Variants in SLC2A14 observed in about 807,000 individuals in gnomAD.
SLC2A14 encodes the protein solute carrier family 2, facilitated glucose transporter member 14.
A neutral mutation model predicts 43.0 loss-of-function variants in SLC2A14; 13 were observed. The observed-to-expected ratio is 0.30, with a 90% CI of 0.20 to 0.48. The LOEUF is 0.48. SLC2A14 is among the 20% of genes least tolerant of loss of function. SLC2A14 has a pLI of 0.99. For missense variants in SLC2A14, 428 were observed against 620.4 expected, an observed-to-expected ratio of 0.69 and a Z score of 3.29; for synonymous variants, 190 against 233.8, an observed-to-expected ratio of 0.81 and a Z score of 1.71.
intron 2 of SLC2A14, among the ~76,000 whole-genome samples, chr12:7,847,080 C>T (rs1592238597): frequency 6.6e-6 from 1 of 151,734 alleles, no homozygotes; most frequent in East Asian, 2.0e-4. Flanking sequence ...TAGAGAAACC[C>T]TGTCTCTACT....
intron 1 of SLC2A14, among the ~76,000 whole-genome samples, chr12:7,889,668 T>C (rs1945744113): frequency 1.3e-5 from 2 of 149,892 alleles, no homozygotes; most frequent in South Asian, 4.2e-4. Flanking sequence ...CCCAAGTAGG[T>C]GGGATTACAG....
intron 1 of SLC2A14, among the ~76,000 whole-genome samples, chr12:7,880,264 C>A (rs1945541870): frequency 6.6e-6 from 1 of 151,954 alleles, no homozygotes; most frequent in African/African-American, 2.4e-5. Flanking sequence ...CGCGCCATTG[C>A]ACCCTAGCCT....
chr12:7,851,703 A>G (rs1465796077), intron 2 of SLC2A14, among the ~76,000 whole-genome samples: 1 of 152,176 alleles, frequency 6.6e-6, no homozygotes, highest in East Asian at 1.9e-4. Flanking sequence ...ACAGTGACTT[A>G]GTTGTATCTG....
At chr12:7,888,320 T>G (rs939659370) in intron 1 of SLC2A14, among the ~76,000 whole-genome samples, 1 of 152,046 alleles carries the variant, frequency 6.6e-6, no homozygotes. Flanking sequence ...AATAAAGAAA[T>G]GCACGTTTTT....
chr12:7,863,941 G>A (rs867428601), intron 2 of SLC2A14, among the ~76,000 whole-genome samples: 2 of 151,534 alleles, frequency 1.3e-5, no homozygotes, highest in South Asian at 2.1e-4. Flanking sequence ...TCAGCCTCCC[G>A]AGTAGCTGGC....
chr12:7,883,407 C>T (rs774860659), intron 1 of SLC2A14, among the ~76,000 whole-genome samples: 1 of 150,484 alleles, frequency 6.6e-6, no homozygotes, highest in East Asian at 2.0e-4. Context: ...GCTGGGATTA[C>T]AGGCGCCCGC....
upstream of SLC2A14, among the ~76,000 whole-genome samples, chr12:7,875,307 A>G (rs1945444709): frequency 6.8e-6 from 1 of 147,390 alleles, no homozygotes; most frequent in African/African-American, 2.5e-5. Context: ...TAGGAGTTCA[A>G]GGCCAGCCTG....
At chr12:7,866,172 C>G (rs1397124340) in intron 2 of SLC2A14, among the ~76,000 whole-genome samples, 1 of 143,962 alleles carries the variant, frequency 6.9e-6, no homozygotes, top group African/African-American at 2.6e-5. Flanking sequence ...CTGCAGTGAG[C>G]TGAGATTGCA....
At chr12:7,863,135 C>A (rs1485438667) in intron 2 of SLC2A14, among the ~76,000 whole-genome samples, 1 of 152,146 alleles carries the variant, frequency 6.6e-6, no homozygotes, top group Non-Finnish European at 1.5e-5. Flanking sequence ...GTAACTCTCA[C>A]CGCAAAGGTC....
upstream of SLC2A14, chr12:7,891,194 T>C: frequency 2.8e-6 from 4 of 1,419,678 alleles, no homozygotes; most frequent in Non-Finnish European, 3.7e-6. Context: ...AGGAGCAGAG[T>C]GCAGAGGAGA....
chr12:7,873,264 C>A, upstream of SLC2A14: 15 of 985,678 alleles, frequency 1.5e-5, no homozygotes, highest in African/African-American at 1.7e-5. Flanking sequence ...GAGCCCCTCA[C>A]CGCCTGCAGC....
intron 1 of SLC2A14, among the ~76,000 whole-genome samples, chr12:7,888,617 G>A (rs1945724046): frequency 2.0e-5 from 3 of 151,978 alleles, no homozygotes; most frequent in Admixed American, 2.0e-4. Flanking sequence ...GGCCAACATG[G>A]TGAAACCCCG....
At chr12:7,882,767 G>A (rs372271434) in intron 1 of SLC2A14, among the ~76,000 whole-genome samples, 1 of 151,770 alleles carries the variant, frequency 6.6e-6, no homozygotes, top group Admixed American at 6.6e-5. Flanking sequence ...AACCCAGGAG[G>A]CAGAGGCTGC....
intron 2 of SLC2A14, among the ~76,000 whole-genome samples, chr12:7,865,983 G>A (rs1444931701): frequency 6.6e-6 from 1 of 152,048 alleles, no homozygotes; most frequent in African/African-American, 2.4e-5. Context: ...TTGGGAGGCC[G>A]AGGCGGGTGG....
At chr12:7,864,466 C>A (rs766616658) in intron 2 of SLC2A14, among the ~76,000 whole-genome samples, 1 of 152,108 alleles carries the variant, frequency 6.6e-6, no homozygotes, top group East Asian at 1.9e-4. Context: ...AGCCTTCCAA[C>A]TAGCTGGGAC....
chr12:7,825,261 GACC>G (rs879522490), intron 7 of SLC2A14, among the ~76,000 whole-genome samples: 2,065 of 143,422 alleles, frequency 0.014, 57 homozygotes, highest in Middle Eastern at 0.037. Context: ...AGGAGTTCAA[GACC>G]AGACTGGTCA....
At chr12:7,820,578 T>TGG (rs1481751753) in intron 8 of SLC2A14, among the ~76,000 whole-genome samples, 2 of 152,150 alleles carry the variant, frequency 1.3e-5, no homozygotes, top group Admixed American at 1.3e-4. Flanking sequence ...TTATATATTT[T>TGG]GGGGGTCACA....
chr12:7,882,784 C>G (rs1395926992), intron 1 of SLC2A14, among the ~76,000 whole-genome samples: 2 of 152,010 alleles, frequency 1.3e-5, no homozygotes, highest in African/African-American at 4.8e-5. Flanking sequence ...CTGCAGTGAG[C>G]TGAGATCTGG....
At chr12:7,842,774 G>C (rs1866083413) in intron 2 of SLC2A14, among the ~76,000 whole-genome samples, 1 of 150,878 alleles carries the variant, frequency 6.6e-6, no homozygotes, top group Non-Finnish European at 1.5e-5. Context: ...TGTTGCCCAG[G>C]CTGGGGTGCA....
Sources: gnomAD v4.1 joint callset for allele counts (sites outside exome capture counted in the v4.1 genomes callset) on GRCh38, gnomAD v4.1.1 for gene constraint, MANE v1.5 for transcripts, NCBI Gene and HGNC (gene_info 2026-07-23, HGNC 2026-07-21) for gene names.